Variants in LRP1B observed in about 807,000 individuals in gnomAD.
The protein encoded by LRP1B is LDL receptor related protein 1B, also known as low-density lipoprotein receptor-related protein 1B.
LRP1B carries 217 observed loss-of-function variants against 556.6 expected under a neutral mutation model. That is an observed-to-expected ratio of 0.39 (90% CI 0.35 to 0.44). LRP1B has a LOEUF of 0.44. Ranked by LOEUF, LRP1B falls within the 20% of genes least tolerant of loss-of-function variation. LRP1B has a pLI of 1.00. For missense variants in LRP1B, 5,053 were observed against 5,620.8 expected, an observed-to-expected ratio of 0.90 and a Z score of 3.23; for synonymous variants, 2,047 against 1,865.8, an observed-to-expected ratio of 1.10 and a Z score of -2.50.
At chr2:140,485,197 T>A (rs1372962270) in intron 59 of LRP1B, 146 bp downstream of exon 59, 3 of 491,856 alleles carry the variant, frequency 6.1e-6, no homozygotes, top group Non-Finnish European at 1.0e-5. Flanking sequence ...ATAATCACAT[T>A]ACTGTTTTTT....
At chr2:140,575,367 G>A (rs1681477983) in intron 43 of LRP1B, among the ~76,000 whole-genome samples, 1 of 152,068 alleles carries the variant, frequency 6.6e-6, no homozygotes, top group Non-Finnish European at 1.5e-5. Flanking sequence ...TCCTAATTTT[G>A]CAGACATGAG....
intron 25 of LRP1B, among the ~76,000 whole-genome samples, chr2:140,876,647 GTTT>G (rs1342341117): frequency 6.6e-6 from 1 of 152,102 alleles, no homozygotes; most frequent in African/African-American, 2.4e-5. Flanking sequence ...GGAGCTCCAA[GTTT>G]ATCTTGGAAC....
rs577327557 is a variant in LRP1B at position 140,446,089 on chromosome 2, A to G, written c.10058-1410T>C. On this transcript the variant is annotated intron_variant, in intron 63 of 90. Transcript: ENST00000389484. Reference sequence around the variant, plus strand: ...AAAATGTTGAAAGTTATTTGCTTCCAATCTATAACATTTTGTTAATTAATA... The same window carrying G: ...AAAATGTTGAAAGTTATTTGCTTCCGATCTATAACATTTTGTTAATTAATA... Among the ~76,000 whole-genome samples the G allele has an allele frequency of 5.8e-4, 89 of 152,286 alleles. 2 individuals are homozygous for G. The South Asian group carries it at 7.7e-3, about 13-fold the overall frequency.
In LRP1B at chr2:140,475,239, C is replaced by T. The variant is rs1687923684; in HGVS notation, c.9524G>A (p.Arg3175Lys). The T allele has an allele frequency of 1.2e-6, 2 of 1,611,932 alleles. No individual in the cohort carries two copies. The highest frequency in any genetic ancestry group is 1.7e-6 in the Non-Finnish European group (2 of 1,178,548). The stretch of plus-strand genomic sequence containing the variant: ...ATAATCTATTGTTAGTGCCATAGGT[C>T]TAGAAATCTTGGTTTCTATGACAAC... The part of the protein sequence containing the change: ...QSVVIETKIS[R>K]PMALTIDYVN... Residue 3175 changes from arginine to lysine, a missense_variant, in exon 60 of 91, where the codon AGA becomes AAA. Transcript: ENST00000389484.
intron 2 of LRP1B, among the ~76,000 whole-genome samples, chr2:141,669,218 A>G (rs1242025883): frequency 6.6e-6 from 1 of 152,082 alleles, no homozygotes; most frequent in Non-Finnish European, 1.5e-5. Flanking sequence ...ATTCAATATG[A>G]CTGGTGTCTA....
intron 3 of LRP1B, among the ~76,000 whole-genome samples, chr2:141,337,035 A>AT (rs1246735498): frequency 6.6e-6 from 1 of 152,052 alleles, no homozygotes; most frequent in African/African-American, 2.4e-5. Flanking sequence ...CAAAAGTTTT[A>AT]TTTTTCTAGG....
chr2:140,748,321 A>C (rs1688404980), intron 35 of LRP1B, among the ~76,000 whole-genome samples: 1 of 128,772 alleles, frequency 7.8e-6, no homozygotes, highest in African/African-American at 2.9e-5. Flanking sequence ...ATTCATATAT[A>C]ATATATATTA....
chr2:140,986,336 C>G (rs1268390467), intron 17 of LRP1B, among the ~76,000 whole-genome samples: 1 of 152,204 alleles, frequency 6.6e-6, no homozygotes, highest in South Asian at 2.1e-4. Context: ...TCACATCTCT[C>G]TCTTCGTGCA....
At chr2:141,175,136 G>T (rs1184569203) in intron 7 of LRP1B, among the ~76,000 whole-genome samples, 2 of 152,060 alleles carry the variant, frequency 1.3e-5, no homozygotes, top group Admixed American at 1.3e-4. Context: ...TTGTATGTGT[G>T]AACAATGAGA....
intron 23 of LRP1B, among the ~76,000 whole-genome samples, chr2:140,897,815 AGG>A (rs1693994634): frequency 6.6e-6 from 1 of 152,140 alleles, no homozygotes; most frequent in African/African-American, 2.4e-5. Context: ...CACAGACTGA[AGG>A]CTGCGCTATC....
At chr2:141,531,246 A>G (rs1285581795) in intron 2 of LRP1B, among the ~76,000 whole-genome samples, 2 of 152,078 alleles carry the variant, frequency 1.3e-5, no homozygotes, top group Non-Finnish European at 2.9e-5. Context: ...TTCCTAGTGC[A>G]AAAAGGACTT....
intron 10 of LRP1B, among the ~76,000 whole-genome samples, chr2:141,052,339 A>T (rs1019349022): frequency 2.0e-5 from 3 of 151,950 alleles, no homozygotes; most frequent in African/African-American, 7.2e-5. Flanking sequence ...ATACTTTTAT[A>T]TTTTTCAAAA....
intron 65 of LRP1B, among the ~76,000 whole-genome samples, chr2:140,443,107 C>T (rs1686500819): frequency 6.6e-6 from 1 of 152,132 alleles, no homozygotes; most frequent in African/African-American, 2.4e-5. Context: ...GTTGTCCAGG[C>T]TGGAGTTCAG....
chr2:140,841,233 A>C, intron 29 of LRP1B, 141 bp from the exon 30 acceptor site: 28 of 568,096 alleles, frequency 4.9e-5, no homozygotes, highest in East Asian at 9.0e-5. Flanking sequence ...TTGTAATCTC[A>C]TTCCCTTATC....
At chr2:142,004,795 T>C (rs1574583853) in intron 1 of LRP1B, among the ~76,000 whole-genome samples, 2 of 151,796 alleles carry the variant, frequency 1.3e-5, no homozygotes, top group Non-Finnish European at 2.9e-5. Flanking sequence ...AAGGCTGTAG[T>C]GAGCCATGAT....
Position 140,718,145 on chromosome 2 carries a change from C to T in LRP1B, c.5759-1329G>A, listed in dbSNP as rs578248687. ...TCCAACTGTCTCCTTTGTTTCTCTG[C>T]TTGTTTGTAGATAAAGCAATCTTGA... On this transcript the variant is annotated intron_variant, in intron 35 of 90. Transcript: ENST00000389484. Among the ~76,000 whole-genome samples, 3 of 152,028 alleles carry T rather than the reference C, an allele frequency of 2.0e-5. No individual in the cohort carries two copies. The South Asian group carries it at 6.2e-4, about 32-fold the overall frequency.
At chr2:141,712,129 T>A (rs1692383866) in intron 2 of LRP1B, among the ~76,000 whole-genome samples, 1 of 152,162 alleles carries the variant, frequency 6.6e-6, no homozygotes, top group African/African-American at 2.4e-5. Flanking sequence ...ATAGTGTTTA[T>A]TTTCAATGTG....
At chr2:142,097,978 G>A (rs1706434564) in intron 1 of LRP1B, among the ~76,000 whole-genome samples, 1 of 151,646 alleles carries the variant, frequency 6.6e-6, no homozygotes, top group Admixed American at 6.6e-5. Context: ...TGAAAATGAA[G>A]CATCAAAGTC....
chr2:140,781,586 C>G (rs1197365711), intron 32 of LRP1B, among the ~76,000 whole-genome samples: 1 of 152,074 alleles, frequency 6.6e-6, no homozygotes, highest in Non-Finnish European at 1.5e-5. Context: ...CATTATAGAC[C>G]TAATATTCTA....
Sources: allele counts gnomAD v4.1 joint callset (sites outside exome capture counted in the v4.1 genomes callset), GRCh38; gene constraint gnomAD v4.1.1; transcripts MANE v1.5; gene names NCBI Gene and HGNC (gene_info 2026-07-23, HGNC 2026-07-21).